GTF3C1: variants seen among roughly 807,000 people sequenced by gnomAD.
GTF3C1 encodes general transcription factor 3C polypeptide 1.
GTF3C1 carries 57 observed loss-of-function variants against 226.7 expected under a neutral mutation model. The ratio of observed to expected loss-of-function variants is 0.25; its 90% CI spans 0.20 to 0.31. The LOEUF (loss-of-function observed/expected upper bound fraction) is 0.31, where lower values mean the gene tolerates loss of function less well. Ranked by LOEUF, GTF3C1 falls within the 10% of genes least tolerant of loss-of-function variation. GTF3C1 has a pLI of 1.00. For synonymous variants in GTF3C1, 1,090 were observed against 1,084.8 expected, an observed-to-expected ratio of 1.00 and a Z score of -0.09; for missense variants, 2,217 against 2,776.1, an observed-to-expected ratio of 0.80 and a Z score of 4.53.
rs2087761340 is a variant in GTF3C1, at chr16:27,464,868, G to A, written c.5356-32C>T. 1.1e-5 allele frequency: 16 copies of A among 1,478,696 alleles called. No homozygotes were observed. The East Asian group carries it at 3.7e-4, about 35-fold the overall frequency. The allele number at this position is 1,478,696 out of a possible 1,614,324, so 91.6% of individuals were successfully genotyped here. ...AGGCAGGAGACACGCGGGGTCTGTG[G>A]GGAGCTCGGGATCCTCCACGCTGGT... On this transcript the variant is annotated intron_variant, in intron 33 of 36. Transcript: ENST00000356183.
chr16:27,469,256 C>T lies in GTF3C1; in HGVS notation c.5074+35G>A. On this transcript the variant is annotated intron_variant, in intron 32 of 36. Coordinates refer to ENST00000356183, the MANE Select transcript of GTF3C1 (RefSeq NM_001520.4). The surrounding 1 kb of genome is among the most constrained non-coding windows in gnomAD (Gnocchi z 4.5). ...AGGGTCTTCCTGGATGATGGCGAGG[C>T]CAGGCCCTCCCACAGCACCAGCAGG... 1.3e-6 allele frequency: 2 copies of T among 1,528,960 alleles called. No individual in the cohort carries two copies. The highest frequency in any genetic ancestry group is 1.8e-6 in the Non-Finnish European group (2 of 1,132,652). The allele number at this position is 1,528,960 out of a possible 1,614,324, so 94.7% of individuals were successfully genotyped here.
At chr16:27,520,969 T>A (rs974154977) in intron 6 of GTF3C1, among the ~76,000 whole-genome samples, 1 of 152,228 alleles carries the variant, frequency 6.6e-6, no homozygotes, top group African/African-American at 2.4e-5. Flanking sequence ...TCCACCCACC[T>A]GGGCCTGCCA....
intron 4 of GTF3C1, 46 bp downstream of exon 4, chr16:27,537,738 T>C (rs1413262875): frequency 3.5e-6 from 5 of 1,443,468 alleles, no homozygotes; most frequent in Non-Finnish European, 4.8e-6. Context: ...ATACTACACA[T>C]GGCTGCAACT....
intron 26 of GTF3C1, 73 bp downstream of exon 26, chr16:27,482,971 G>A (rs2088078877): frequency 1.6e-6 from 2 of 1,257,542 alleles, no homozygotes; most frequent in South Asian, 1.2e-5. Context: ...ACTGTGGGAT[G>A]AGAGGAGCTG....
rs748271854 is a variant in GTF3C1 at position 27,497,662 on chromosome 16, C to T, written c.2325G>A (p.Pro775=). The T allele has an allele frequency of 1.1e-5, 17 of 1,613,430 alleles. No individual in the cohort carries two copies. The highest frequency in any genetic ancestry group is 3.3e-5 in the Admixed American group (2 of 59,920). The part of the protein sequence containing the change: ...KKSDNKMGIT[P]LRNYHPIVVP... ...CTACAATGGGGTGATAATTTCTAAGCGGGGTTATGCCCATTTTATTATCAC... is the reference window on the plus strand; with the variant it reads ...CTACAATGGGGTGATAATTTCTAAGTGGGGTTATGCCCATTTTATTATCAC... The change falls in exon 14 of 37, where the codon CCG becomes CCA. Residue 775 remains proline, a synonymous_variant. Transcript: ENST00000356183.
rs1179506203 is a variant in GTF3C1 at position 27,463,488 on chromosome 16, G to A, written c.5924+53C>T. 1.1e-5 allele frequency: 11 copies of A among 979,116 alleles called. No homozygotes were observed. The highest frequency in any genetic ancestry group is 6.4e-5 in the African/African-American group (4 of 62,154). The allele number at this position is 979,116 out of a possible 1,614,324, so 60.7% of individuals were successfully genotyped here. A position where few individuals can be genotyped will look rare whatever the true frequency, so the allele number is the denominator to read the frequency against. On this transcript the variant is annotated intron_variant, in intron 35 of 36. Coordinates refer to ENST00000356183, the MANE Select transcript of GTF3C1 (RefSeq NM_001520.4). This position sits in a 1 kb window ranked among gnomAD's most constrained non-coding sequence, Gnocchi z 4.9. ...GACCCTCACACAAATCCTTACACTC[G>A]GTCCCTGTCAAGAGCCCCGCCCCAG...
intron 29 of GTF3C1, among the ~76,000 whole-genome samples, chr16:27,474,747 C>T (rs964874992): frequency 5.3e-5 from 8 of 152,120 alleles, no homozygotes; most frequent in African/African-American, 9.7e-5. Flanking sequence ...TGGCAGAGGG[C>T]GCACGGCACA....
At chr16:27,485,200 T>A (rs1006674070) in intron 24 of GTF3C1, among the ~76,000 whole-genome samples, 2 of 152,238 alleles carry the variant, frequency 1.3e-5, no homozygotes, top group African/African-American at 2.4e-5. Flanking sequence ...GCAAGGAGCA[T>A]CTGGGCACAA....
In GTF3C1 at chr16:27,470,579, C is replaced by T. The variant is rs139691625; in HGVS notation, c.4527-184G>A. ...CATTCCCACCTAGCGGTGTTTGTGT[C>T]TCTCTTCCCCGCTTGCCTGAGTACC... On this transcript the variant is annotated intron_variant, in intron 30 of 36. Transcript: ENST00000356183. The surrounding 1 kb of genome is among the most constrained non-coding windows in gnomAD (Gnocchi z 4.9). 2.6e-3 allele frequency: 1,518 copies of T among 595,072 alleles called. 7 individuals are homozygous for T. Among genetic ancestry groups the T allele is most frequent in the Non-Finnish European group, 4.0e-3 (1,332 of 335,438 alleles). 36.9% of individuals were successfully genotyped at this position (595,072 alleles called of 1,614,324 possible).
chr16:27,479,441 T>C (rs1462820570), intron 27 of GTF3C1, among the ~76,000 whole-genome samples: 1 of 152,244 alleles, frequency 6.6e-6, no homozygotes, highest in African/African-American at 2.4e-5. Context: ...GTAGGACATT[T>C]CTTCGGTTTC....
In GTF3C1 at chr16:27,478,538, A is replaced by T. The variant is rs2087989124; in HGVS notation, c.4197-7T>A. 1.2e-6 allele frequency: 2 copies of T among 1,604,522 alleles called. No individual in the cohort carries two copies. Among genetic ancestry groups the T allele is most frequent in the Admixed American group, 3.3e-5 (2 of 59,990 alleles). ...AATTGCCAAAACTCGGTACCTGCAA[A>T]AGAAACATAACAGCATGTCAGTGAA... On this transcript the variant is annotated splice_region_variant and splice_polypyrimidine_tract_variant and intron_variant, in intron 27 of 36. Transcript: ENST00000356183.
chr16:27,474,014 T>TG (rs1236412980), intron 29 of GTF3C1, among the ~76,000 whole-genome samples: 1 of 152,124 alleles, frequency 6.6e-6, no homozygotes, highest in Non-Finnish European at 1.5e-5. Context: ...TGTGGTGAGT[T>TG]GGGGGGTATC....
At chr16:27,544,932 T>C (rs1401856211) in intron 2 of GTF3C1, among the ~76,000 whole-genome samples, 1 of 151,728 alleles carries the variant, frequency 6.6e-6, no homozygotes, top group Non-Finnish European at 1.5e-5. Flanking sequence ...GTGCTCTGAC[T>C]ACACATTCAA....
Position 27,506,891 on chromosome 16 carries a change from T to A in GTF3C1, c.1508A>T (p.Asn503Ile), listed in dbSNP as rs2141403306. 1 of 1,613,314 alleles carries A rather than the reference T, an allele frequency of 6.2e-7. No individual in the cohort carries two copies. The highest frequency in any genetic ancestry group is 1.3e-5 in the African/African-American group (1 of 75,016). ...ATGAGGCTGGGTCTTGGGCCGGAGG[T>A]TTGCAGAGGCTCTTGTGTCTTTCTG... is the stretch of plus-strand genomic sequence containing the variant. ...GSQKDTRASA[N>I]LRPKTQPHHS... The change falls in exon 9 of 37, where the codon AAC becomes ATC. Residue 503 changes from asparagine to isoleucine, a missense_variant. By Grantham distance (149) the Asn-to-Ile change is moderately radical (BLOSUM62 -3). Around this residue, in one of 12 missense-constraint regions of GTF3C1, gnomAD observed 173 missense variants for 207.2 expected, o/e 0.83. Coordinates refer to ENST00000356183, the MANE Select transcript of GTF3C1 (RefSeq NM_001520.4).
chr16:27,549,509 C>CT (rs1460134996), intron 1 of GTF3C1, among the ~76,000 whole-genome samples, 161 bp downstream of exon 1: 1 of 152,182 alleles, frequency 6.6e-6, no homozygotes. Flanking sequence ...CCTGCCAGGC[C>CT]TGAGGGACCC....
rs760677737 is a variant in GTF3C1, at chr16:27,495,404, C to T, written c.2439G>A (p.Gly813=). Residue 813 remains glycine (G), a synonymous_variant, in exon 15 of 37, where the codon GGG becomes GGA. Transcript: ENST00000356183. ...VHMFLWYLIY[G]HPASNTVEKP... is the part of the protein sequence containing the mutation. ...TCTCCACGGTGTTGCTGGCAGGGTG[C>T]CCGTAGATGAGGTACCACAGAAACA... 4.3e-6 allele frequency: 7 copies of T among 1,613,972 alleles called. No homozygotes were observed. Among genetic ancestry groups the T allele is most frequent in the Non-Finnish European group, 5.9e-6 (7 of 1,179,872 alleles).
At chr16:27,500,018 G>A (rs2088381863) in intron 12 of GTF3C1, among the ~76,000 whole-genome samples, 1 of 152,040 alleles carries the variant, frequency 6.6e-6, no homozygotes, top group Non-Finnish European at 1.5e-5. Context: ...GAGGTTATGT[G>A]GCCCCCCATG....
At chr16:27,527,461 G>A (rs936384220) in intron 6 of GTF3C1, among the ~76,000 whole-genome samples, 6 of 152,148 alleles carry the variant, frequency 3.9e-5, no homozygotes, top group Non-Finnish European at 8.8e-5. Context: ...GGGATTACAG[G>A]CGTGAGCCAC....
chr16:27,527,458 C>T (rs925008257), intron 6 of GTF3C1, among the ~76,000 whole-genome samples: 2 of 152,156 alleles, frequency 1.3e-5, no homozygotes, highest in Non-Finnish European at 2.9e-5. Flanking sequence ...GCAGGGATTA[C>T]AGGCGTGAGC....
Sources: allele counts gnomAD v4.1 joint callset (sites outside exome capture counted in the v4.1 genomes callset), GRCh38; gene constraint gnomAD v4.1.1; regional missense constraint gnomAD v4.1.1; non-coding constraint Gnocchi (gnomAD v3.1); transcripts MANE v1.5; gene names NCBI Gene and HGNC (gene_info 2026-07-23, HGNC 2026-07-21).